The following KCNQ1 variants were observed in gnomAD, a reference collection of about 807,000 sequenced individuals.
KCNQ1 encodes potassium voltage-gated channel subfamily KQT member 1.
KCNQ1 carries 49 observed loss-of-function variants against 72.4 expected under a neutral mutation model. The ratio of observed to expected loss-of-function variants is 0.68; its 90% CI spans 0.54 to 0.86. The LOEUF (loss-of-function observed/expected upper bound fraction) is 0.86, where lower values mean the gene tolerates loss of function less well. Among genes scored for constraint, KCNQ1 ranks in the 40% least tolerant of loss-of-function variants. KCNQ1 has a pLI of 0.00. For synonymous variants in KCNQ1, 450 were observed against 412.6 expected (o/e 1.09, Z -1.10); for missense variants, 790 against 945.1 (o/e 0.84, Z 2.15).
In KCNQ1 at chr11:2,695,573, C is replaced by T. The variant is rs1447077804; in HGVS notation, c.1514+33492C>T. The T allele has an allele frequency of 5.0e-6, 2 of 398,554 alleles. No individual in the cohort carries two copies. The highest frequency in any genetic ancestry group is 8.8e-6 in the Non-Finnish European group (2 of 226,094). 24.7% of individuals were successfully genotyped at this position (398,554 alleles called of 1,614,324 possible). ...CCATGCTGCCCTGAGCATGCACACA[C>T]ACAGCCTCTCGTTGTTCTGGGTGAG... On this transcript the variant is annotated intron_variant, in intron 11 of 15. Coordinates refer to ENST00000155840, the MANE Select transcript of KCNQ1 (RefSeq NM_000218.3). This position sits in a 1 kb window ranked among gnomAD's most constrained non-coding sequence, Gnocchi z 5.2.
Position 2,620,768 on chromosome 11 carries a change from T to A in KCNQ1, c.1393+31914T>A, listed in dbSNP as rs566613213. The A allele has an allele frequency of 2.5e-6, 1 of 398,644 alleles. No homozygotes were observed. The highest frequency in any genetic ancestry group is 1.3e-4 in the South Asian group (1 of 7,860). The allele number at this position is 398,644 out of a possible 1,614,324, so 24.7% of individuals were successfully genotyped here. A position where few individuals can be genotyped will look rare whatever the true frequency, so the allele number is the denominator to read the frequency against. On this transcript the variant is annotated intron_variant, in intron 10 of 15. Transcript: ENST00000155840. This position sits in a 1 kb window ranked among gnomAD's most constrained non-coding sequence, Gnocchi z 4.5. The stretch of plus-strand genomic sequence containing the variant: ...TCAGTTATTTGAGAAAACTCCAAAC[T>A]GCTTAGCACAGTGGCTGAACTAATT...
intron 11 of KCNQ1, chr11:2,688,481 C>A: frequency 2.5e-6 from 1 of 398,738 alleles, no homozygotes; most frequent in Middle Eastern, 6.3e-4. Context: ...TGAGGCTCTG[C>A]CTCTGGTTGC....
intron 2 of KCNQ1, among the ~76,000 whole-genome samples, chr11:2,569,530 A>G (rs1478175433): frequency 6.6e-6 from 1 of 152,186 alleles, no homozygotes; most frequent in African/African-American, 2.4e-5. Context: ...CTTCTGAGGG[A>G]GGACAGGCAG....
chr11:2,553,110 T>C (rs1244405602), intron 2 of KCNQ1, among the ~76,000 whole-genome samples: 1 of 152,226 alleles, frequency 6.6e-6, no homozygotes, highest in Non-Finnish European at 1.5e-5. Context: ...TTGCTCATGT[T>C]ACTTATTAGT....
intron 2 of KCNQ1, among the ~76,000 whole-genome samples, chr11:2,529,338 G>C (rs575122063): frequency 6.6e-6 from 1 of 152,142 alleles, no homozygotes; most frequent in East Asian, 1.9e-4. Flanking sequence ...GGGTTTCCTG[G>C]TGGCGCTTGC....
intron 10 of KCNQ1, chr11:2,640,767 ATAAAT>A (rs1849562996): frequency 2.5e-6 from 1 of 398,438 alleles, no homozygotes; most frequent in Non-Finnish European, 4.4e-6. Context: ...ATCAAACATT[ATAAAT>A]TATTTATTCT....
At chr11:2,834,468 C>T (rs1397293970) in intron 15 of KCNQ1, among the ~76,000 whole-genome samples, 1 of 152,220 alleles carries the variant, frequency 6.6e-6, no homozygotes, top group African/African-American at 2.4e-5. Context: ...ACAGCATCCA[C>T]TGCCAGCCTC....
chr11:2,697,727 T>A, intron 11 of KCNQ1: 1 of 398,638 alleles, frequency 2.5e-6, no homozygotes, highest in Non-Finnish European at 4.4e-6. Flanking sequence ...TCCCACTTGT[T>A]TAAGAATTGT....
In KCNQ1 at chr11:2,679,689, T is replaced by C; in HGVS notation, c.1514+17608T>C. 1 of 397,954 alleles carries C rather than the reference T, an allele frequency of 2.5e-6. No homozygotes were observed. Among genetic ancestry groups the C allele is most frequent in the Non-Finnish European group, 4.4e-6 (1 of 226,016 alleles). The allele number at this position is 397,954 out of a possible 1,614,324, so 24.7% of individuals were successfully genotyped here. On this transcript the variant is annotated intron_variant, in intron 11 of 15. Transcript: ENST00000155840. The surrounding 1 kb of genome is among the most constrained non-coding windows in gnomAD (Gnocchi z 4.8). ...AGGATGCATAGGATCCCAGATTAGA[T>C]TTTTTTTAAATCAGCCGTTCTCTGT... is the stretch of plus-strand genomic sequence containing the variant.
Position 2,813,625 on chromosome 11 carries a change from G to T in KCNQ1, c.1795-34142G>T, listed in dbSNP as rs569013574. ...TCAAAGGATGAGAGAAGGAACAGAG[G>T]GGAGGACCAACATCTCGGCTGATCC... is the stretch of plus-strand genomic sequence containing the variant. On this transcript the variant is annotated intron_variant, in intron 15 of 15. Coordinates refer to ENST00000155840, the MANE Select transcript of KCNQ1 (RefSeq NM_000218.3). The surrounding 1 kb of genome is among the most constrained non-coding windows in gnomAD (Gnocchi z 4.4). Among the ~76,000 whole-genome samples, 4 of 152,180 alleles carry T rather than the reference G, an allele frequency of 2.6e-5. No homozygotes were observed. In the East Asian group the frequency reaches 7.8e-4, roughly 30 times the overall value.
rs1196880301 is a variant in KCNQ1 at position 2,563,313 on chromosome 11, C to T, written c.478-7315C>T. Among the ~76,000 whole-genome samples, 4 of 152,228 alleles carry T rather than the reference C, an allele frequency of 2.6e-5. No homozygotes were observed. The highest frequency in any genetic ancestry group is 2.6e-4 in the Admixed American group (4 of 15,278). ...ACGGCCGGTTGCAACACGTTTGAGCCAAAGTGCGACCTTTCCCCGCTCTGT... is the reference window on the plus strand; with the variant it reads ...ACGGCCGGTTGCAACACGTTTGAGCTAAAGTGCGACCTTTCCCCGCTCTGT... On this transcript the variant is annotated intron_variant, in intron 2 of 15. Transcript: ENST00000155840. This position sits in a 1 kb window ranked among gnomAD's most constrained non-coding sequence, Gnocchi z 7.4.
intron 10 of KCNQ1, chr11:2,649,683 G>T (rs1250714376): frequency 5.0e-6 from 2 of 398,418 alleles, no homozygotes; most frequent in African/African-American, 4.1e-5. Context: ...ATCTGCTGTT[G>T]ATTCCCTTAT....
intron 10 of KCNQ1, chr11:2,650,456 C>A (rs1042581704): frequency 1.3e-5 from 5 of 398,376 alleles, no homozygotes; most frequent in African/African-American, 8.2e-5. Context: ...GGGTAGGGTG[C>A]TTTGGCTTTG....
intron 11 of KCNQ1, among the ~76,000 whole-genome samples, chr11:2,717,613 C>A (rs1482978866): frequency 6.6e-6 from 1 of 152,208 alleles, no homozygotes; most frequent in Non-Finnish European, 1.5e-5. Flanking sequence ...CGTTCCTGTC[C>A]CAATCCTCCC....
At chr11:2,736,798 G>A (rs114559351) in intron 11 of KCNQ1, among the ~76,000 whole-genome samples, 262 of 152,356 alleles carry the variant, frequency 1.7e-3, no homozygotes, top group African/African-American at 6.1e-3. Flanking sequence ...TGCGCCCTGC[G>A]CCTCTGCTGG....
chr11:2,831,383 T>C (rs1033350652), intron 15 of KCNQ1, among the ~76,000 whole-genome samples: 2 of 151,776 alleles, frequency 1.3e-5, no homozygotes, highest in African/African-American at 4.8e-5. Context: ...AGAGAAGGGG[T>C]GAATGCCTTG....
At chr11:2,460,447 C>T (rs1432923658) in intron 1 of KCNQ1, among the ~76,000 whole-genome samples, 1 of 152,230 alleles carries the variant, frequency 6.6e-6, no homozygotes, top group Non-Finnish European at 1.5e-5. Flanking sequence ...GGCATCAGTC[C>T]TGCTTCCCAG....
chr11:2,631,373 T>C, intron 10 of KCNQ1: 4 of 398,590 alleles, frequency 1.0e-5, no homozygotes, highest in Non-Finnish European at 1.8e-5. Flanking sequence ...CTGCTGATGC[T>C]TTCTATTTCA....
chr11:2,603,593 A>G lies in KCNQ1; in HGVS notation c.1393+14739A>G, dbSNP rs566615616. Among the ~76,000 whole-genome samples the G allele has an allele frequency of 6.6e-6, 1 of 152,040 alleles. No homozygotes were observed. Among genetic ancestry groups the G allele is most frequent in the South Asian group, 2.1e-4 (1 of 4,810 alleles). On this transcript the variant is annotated intron_variant, in intron 10 of 15. Transcript: ENST00000155840. The surrounding 1 kb of genome is among the most constrained non-coding windows in gnomAD (Gnocchi z 4.1). ...AATCTTTCTCTCTATGGGTTTGCCT[A>G]TTCTGGACATTTTATATAAGTGGAA...
Sources: gnomAD v4.1 joint callset for allele counts (sites outside exome capture counted in the v4.1 genomes callset) on GRCh38, gnomAD v4.1.1 for gene constraint, Gnocchi (gnomAD v3.1) non-coding constraint, MANE v1.5 for transcripts, NCBI Gene and HGNC (gene_info 2026-07-23, HGNC 2026-07-21) for gene names.